The following METTL8 variants were observed in gnomAD, a reference collection of about 807,000 sequenced individuals.
The protein encoded by METTL8 is methyltransferase 8, tRNA N3-cytidine.
A neutral mutation model predicts 48.7 loss-of-function variants in METTL8; 32 were observed. The ratio of observed to expected loss-of-function variants is 0.66; its 90% CI spans 0.50 to 0.88. The LOEUF is 0.88. METTL8 is among the 40% of genes least tolerant of loss of function. The probability of loss-of-function intolerance (pLI) is 0.00; values close to 1 mark genes in which losing one functional copy is unlikely to be tolerated. For synonymous variants in METTL8, 136 were observed against 157.1 expected, an observed-to-expected ratio of 0.87 and a Z score of 1.01; for missense variants, 464 against 474.4, an observed-to-expected ratio of 0.98 and a Z score of 0.20.
chr2:171,352,544 T>TA (rs1684052958), intron 3 of METTL8, among the ~76,000 whole-genome samples: 1 of 152,238 alleles, frequency 6.6e-6, no homozygotes, highest in South Asian at 2.1e-4. Flanking sequence ...GAAGGAATGG[T>TA]ACCAGCTCCT....
chr2:171,371,803 T>C (rs1457422296), intron 2 of METTL8, among the ~76,000 whole-genome samples: 1 of 149,946 alleles, frequency 6.7e-6, no homozygotes, highest in African/African-American at 2.5e-5. Flanking sequence ...AGCTAATTTT[T>C]AAAATTTTTA....
chr2:171,393,406 G>GAAAAAAA (rs1306574176), intron 1 of METTL8, among the ~76,000 whole-genome samples: 1 of 4,860 alleles, frequency 2.1e-4, no homozygotes, highest in African/African-American at 7.6e-4. Flanking sequence ...TTATAAAAAA[G>GAAAAAAA]CAAAAAAAAA....
chr2:171,428,760 G>A (rs1692672328), intron 1 of METTL8, among the ~76,000 whole-genome samples: 1 of 152,070 alleles, frequency 6.6e-6, no homozygotes, highest in African/African-American at 2.4e-5. Context: ...TTAGGGGAAG[G>A]GTCTCAGTGG....
At chr2:171,333,930 C>T (rs1249711533) in intron 5 of METTL8, among the ~76,000 whole-genome samples, 1 of 152,040 alleles carries the variant, frequency 6.6e-6, no homozygotes, top group Non-Finnish European at 1.5e-5. Context: ...GCTAAAGTTT[C>T]CAGAAAGGTG....
intron 2 of METTL8, among the ~76,000 whole-genome samples, chr2:171,385,195 T>C (rs1012016803): frequency 5.9e-5 from 9 of 151,912 alleles, no homozygotes; most frequent in African/African-American, 1.2e-4. Flanking sequence ...GGAGGACTGC[T>C]TGAGGCCAGG....
chr2:171,421,080 G>A (rs2105655000), intron 1 of METTL8, among the ~76,000 whole-genome samples: 1 of 152,274 alleles, frequency 6.6e-6, no homozygotes, highest in East Asian at 1.9e-4. Context: ...AAAGTAAAAG[G>A]TGGAGGAGGA....
At chr2:171,409,614 G>A (rs899882760) in intron 1 of METTL8, among the ~76,000 whole-genome samples, 3 of 152,092 alleles carry the variant, frequency 2.0e-5, no homozygotes, top group Non-Finnish European at 2.9e-5. Flanking sequence ...AGTAGACACG[G>A]CATAGATGGG....
At position 171,341,834 on chromosome 2, in the gene METTL8, T is replaced by TACACACAC. The variant is rs56145145; in HGVS notation, c.236-2288_236-2281dup. ...GTATGGTTACATAGAAATATTCATG[T>TACACACAC]ACACACACACACACACACACACACA... is the stretch of plus-strand genomic sequence containing the variant. On this transcript the variant is annotated intron_variant, in intron 3 of 9. Coordinates refer to ENST00000375258, the MANE Select transcript of METTL8 (RefSeq NM_001321154.2). Among the ~76,000 whole-genome samples the TACACACAC allele has an allele frequency of 3.1e-3, 452 of 147,292 alleles. 1 individual carries two copies. The highest frequency in any genetic ancestry group is 5.3e-3 in the African/African-American group (214 of 40,020).
In METTL8 at chr2:171,318,451, C is replaced by A. The variant is rs1684366848; in HGVS notation, c.*5721G>T. The A allele has an allele frequency of 6.6e-6, 1 of 152,034 alleles. No individual in the cohort carries two copies. Among genetic ancestry groups the A allele is most frequent in the Non-Finnish European group, 1.5e-5 (1 of 68,024 alleles). The allele number at this position is 152,034 out of a possible 1,614,324, so 9.4% of individuals were successfully genotyped here. On this transcript the variant is annotated 3_prime_UTR_variant, in exon 10 of 10. Transcript: ENST00000375258. ...AAGACATTTTAAGGGTTTTTTTTCCCCACTGCAGTACAGAATGCTTTTTTT... is the reference window on the plus strand; with the variant it reads ...AAGACATTTTAAGGGTTTTTTTTCCACACTGCAGTACAGAATGCTTTTTTT...
At chr2:171,434,309 C>T (rs778920494), upstream of METTL8, 3 of 626,172 alleles carry the variant, frequency 4.8e-6, no homozygotes, top group South Asian at 4.5e-5. Context: ...GGTACCGGAG[C>T]GTCGCACTGT....
chr2:171,330,421 T>A (rs897444134), intron 7 of METTL8, 138 bp downstream of exon 7: 15 of 737,574 alleles, frequency 2.0e-5, no homozygotes, highest in Admixed American at 6.6e-5. Context: ...AAACTGCCTT[T>A]AAAAGGCTGT....
intron 1 of METTL8, among the ~76,000 whole-genome samples, chr2:171,400,793 T>C (rs1574143559): frequency 6.6e-6 from 1 of 152,270 alleles, no homozygotes; most frequent in East Asian, 1.9e-4. Flanking sequence ...TTCTTGCATT[T>C]TAATACTACT....
At chr2:171,434,090 C>A (rs1274186404), upstream of METTL8, 1 of 319,712 alleles carries the variant, frequency 3.1e-6, no homozygotes, top group African/African-American at 2.3e-5. Context: ...GCCCAGCTAG[C>A]CACTCGCAGC....
At chr2:171,342,366 C>A (rs761033505) in intron 3 of METTL8, among the ~76,000 whole-genome samples, 3 of 152,220 alleles carry the variant, frequency 2.0e-5, no homozygotes, top group Non-Finnish European at 2.9e-5. Context: ...AACATACTCA[C>A]CTCTGCACTA....
In METTL8 at chr2:171,342,406, G is replaced by GA. The variant is rs567622220; in HGVS notation, c.236-2853dup. 1.4e-4 allele frequency among the ~76,000 whole-genome samples: 22 copies of GA among 152,294 alleles called. No individual in the cohort carries two copies. The East Asian group carries it at 4.2e-3, about 29-fold the overall frequency. ...AAAGAAACCTATTTATGGTTGATCT[G>GA]AAACTATATATTTGTCTTTTAAATA... On this transcript the variant is annotated intron_variant, in intron 3 of 9. Coordinates refer to ENST00000375258, the MANE Select transcript of METTL8 (RefSeq NM_001321154.2).
intron 1 of METTL8, among the ~76,000 whole-genome samples, chr2:171,396,038 G>A (rs1282597073): frequency 2.0e-5 from 3 of 152,036 alleles, no homozygotes; most frequent in South Asian, 2.1e-4. Flanking sequence ...TTGGGAGTCC[G>A]AGGCGGGCAG....
intron 1 of METTL8, among the ~76,000 whole-genome samples, chr2:171,413,064 C>T (rs533823935): frequency 2.0e-5 from 3 of 152,172 alleles, no homozygotes; most frequent in African/African-American, 7.2e-5. Flanking sequence ...TCCAGATGAC[C>T]AACATAAGAT....
At chr2:171,428,520 G>C (rs1692649689) in intron 1 of METTL8, among the ~76,000 whole-genome samples, 1 of 151,812 alleles carries the variant, frequency 6.6e-6, no homozygotes, top group Admixed American at 6.6e-5. Context: ...CTTAGCTGTT[G>C]ATAATAGATT....
chr2:171,414,633 C>G (rs1310873838), intron 1 of METTL8: 1 of 150,578 alleles, frequency 6.6e-6, no homozygotes, highest in African/African-American at 2.5e-5. Flanking sequence ...GTGGCTGAGG[C>G]AGGAGGATGA....
Sources: allele counts gnomAD v4.1 joint callset (sites outside exome capture counted in the v4.1 genomes callset), GRCh38; gene constraint gnomAD v4.1.1; transcripts MANE v1.5; gene names NCBI Gene and HGNC (gene_info 2026-07-23, HGNC 2026-07-21).